Variants in LYN observed in about 807,000 individuals in gnomAD.
LYN encodes tyrosine-protein kinase Lyn.
LYN carries 12 observed loss-of-function variants against 65.0 expected under a neutral mutation model. That is an observed-to-expected ratio of 0.18 (90% CI 0.12 to 0.30). The LOEUF (loss-of-function observed/expected upper bound fraction) is 0.30, where lower values mean the gene tolerates loss of function less well. Among genes scored for constraint, LYN ranks in the 10% least tolerant of loss-of-function variants. LYN has a pLI of 1.00. For missense variants in LYN, 380 were observed against 623.2 expected, an observed-to-expected ratio of 0.61 and a Z score of 4.16; for synonymous variants, 222 against 221.2, an observed-to-expected ratio of 1.00 and a Z score of -0.03.
chr8:55,969,733 C>T lies in LYN; in HGVS notation c.990C>T (p.Phe330=), dbSNP rs747449703. The change falls in exon 10 of 13, where the codon TTC becomes TTT. Residue 330 remains phenylalanine, a synonymous_variant. Transcript: ENST00000519728. ...TCTCCATAGGCAGTTTGCTGGATTT[C>T]CTGAAGAGCGATGAAGGTGGCAAAG... is the stretch of plus-strand genomic sequence containing the variant. ...EYMAKGSLLD[F]LKSDEGGKVL... 2.7e-5 allele frequency: 44 copies of T among 1,613,876 alleles called. No homozygotes were observed. The highest frequency in any genetic ancestry group is 3.3e-5 in the Non-Finnish European group (39 of 1,179,892).
chr8:55,949,397 T>C (rs894064161), intron 4 of LYN, among the ~76,000 whole-genome samples: 1 of 152,268 alleles, frequency 6.6e-6, no homozygotes, highest in Non-Finnish European at 1.5e-5. Context: ...CCTTTGCTTC[T>C]GTCTCTAAAC....
At chr8:55,980,055 A>G (rs1807875806) in intron 10 of LYN, among the ~76,000 whole-genome samples, 1 of 152,194 alleles carries the variant, frequency 6.6e-6, no homozygotes, top group South Asian at 2.1e-4. Context: ...GGCAGGCCAC[A>G]GTCCCCGGGA....
At chr8:55,927,860 AGCT>A (rs1198965684) in intron 1 of LYN, among the ~76,000 whole-genome samples, 1 of 152,080 alleles carries the variant, frequency 6.6e-6, no homozygotes, top group Non-Finnish European at 1.5e-5. Context: ...AAAGAAAGAA[AGCT>A]GCTATAAACA....
At chr8:55,905,861 C>T (rs1385073403) in intron 1 of LYN, among the ~76,000 whole-genome samples, 1 of 152,118 alleles carries the variant, frequency 6.6e-6, no homozygotes, top group South Asian at 2.1e-4. Context: ...TGCAAAGAGC[C>T]CGCTCCTCTG....
chr8:55,979,437 T>G (rs1329636490), intron 10 of LYN, among the ~76,000 whole-genome samples: 1 of 152,178 alleles, frequency 6.6e-6, no homozygotes, highest in African/African-American at 2.4e-5. Flanking sequence ...TTTAAAAATA[T>G]ATGGTTTTGT....
At chr8:56,008,357 C>G (rs1012940234) in intron 12 of LYN, among the ~76,000 whole-genome samples, 1 of 152,100 alleles carries the variant, frequency 6.6e-6, no homozygotes, top group Non-Finnish European at 1.5e-5. Context: ...TAATCTACAG[C>G]TTTGAAAAAG....
chr8:56,000,369 G>C (rs552415201), intron 12 of LYN, among the ~76,000 whole-genome samples: 87 of 152,176 alleles, frequency 5.7e-4, no homozygotes, highest in African/African-American at 2.0e-3. Context: ...CCTAACACCT[G>C]AAGCCTGCAG....
chr8:55,892,956 T>A (rs945105765), intron 1 of LYN, among the ~76,000 whole-genome samples: 3 of 152,208 alleles, frequency 2.0e-5, no homozygotes, highest in Admixed American at 2.0e-4. Flanking sequence ...CTGAAAGGCA[T>A]CTGCCATTCT....
At chr8:55,894,754 C>T (rs1462534212) in intron 1 of LYN, among the ~76,000 whole-genome samples, 3 of 152,078 alleles carry the variant, frequency 2.0e-5, no homozygotes, top group Non-Finnish European at 2.9e-5. Context: ...AGGCTGGTCT[C>T]AAACTCCTGA....
At chr8:55,945,624 G>A (rs1387646098) in intron 2 of LYN, among the ~76,000 whole-genome samples, 1 of 152,162 alleles carries the variant, frequency 6.6e-6, no homozygotes, top group Non-Finnish European at 1.5e-5. Flanking sequence ...TCTTACAAGA[G>A]GCCCAGAGGC....
chr8:55,912,542 G>A (rs1828527), intron 1 of LYN, among the ~76,000 whole-genome samples: 136,781 of 152,182 alleles, frequency 0.9, 61,562 homozygotes, highest in East Asian at 0.98. Context: ...CCTGGCCAAC[G>A]TGGCGAAACC....
chr8:55,935,414 CA>C (rs1320433395), intron 1 of LYN, among the ~76,000 whole-genome samples: 2 of 151,984 alleles, frequency 1.3e-5, no homozygotes, highest in Non-Finnish European at 2.9e-5. Flanking sequence ...GTATGTAAGG[CA>C]AAAAATCTTA....
At chr8:56,007,498 A>T (rs1334872344) in intron 12 of LYN, among the ~76,000 whole-genome samples, 3 of 152,250 alleles carry the variant, frequency 2.0e-5, no homozygotes, top group Non-Finnish European at 4.4e-5. Flanking sequence ...AGGAAAATGG[A>T]TTTGCTGTAT....
intron 10 of LYN, among the ~76,000 whole-genome samples, chr8:55,976,565 G>C (rs1807759716): frequency 6.6e-6 from 1 of 152,178 alleles, no homozygotes; most frequent in Non-Finnish European, 1.5e-5. Context: ...CATGGAGTGG[G>C]GGACAGGTGA....
chr8:55,978,286 G>C (rs1454242797), intron 10 of LYN, among the ~76,000 whole-genome samples: 1 of 152,222 alleles, frequency 6.6e-6, no homozygotes, highest in Non-Finnish European at 1.5e-5. Context: ...AGGGGTGAAA[G>C]CTAGAGTCCA....
chr8:55,990,288 GA>G (rs1482946255), intron 10 of LYN, among the ~76,000 whole-genome samples: 1 of 151,166 alleles, frequency 6.6e-6, no homozygotes, highest in Non-Finnish European at 1.5e-5. Context: ...TTGGTTGAAG[GA>G]GTTAAGCTTT....
At position 55,919,011 on chromosome 8, in the gene LYN, C is replaced by A. The variant is rs148304843; in HGVS notation, c.-5-22844C>A. Among the ~76,000 whole-genome samples, 717 of 139,672 alleles carry A rather than the reference C, an allele frequency of 5.1e-3. 3 individuals are homozygous for A. The highest frequency in any genetic ancestry group is 0.014 in the African/African-American group (530 of 36,808). 91.6% of individuals were successfully genotyped at this position (139,672 alleles called of 152,430 possible). ...CTCAGTTGTTCGAGACCATGGGAGA[C>A]CCTGTCTCTACAAAAAAAAAAAAAA... On this transcript the variant is annotated intron_variant, in intron 1 of 12. Transcript: ENST00000519728.
rs115268144 is a variant in LYN, at chr8:55,928,447, A to G, written c.-5-13408A>G. 4.4e-3 allele frequency among the ~76,000 whole-genome samples: 670 copies of G among 152,222 alleles called. 4 individuals carry two copies. The highest frequency in any genetic ancestry group is 0.015 in the African/African-American group (619 of 41,546). On this transcript the variant is annotated intron_variant, in intron 1 of 12. Transcript: ENST00000519728. Reference sequence around the variant, plus strand: ...AGTCATGAGCCACCACGCAGGGCCCATTGTTGCTTTAATTTGCAATTCCCA... The same window carrying G: ...AGTCATGAGCCACCACGCAGGGCCCGTTGTTGCTTTAATTTGCAATTCCCA...
chr8:55,982,170 C>T (rs1256666986), intron 10 of LYN, among the ~76,000 whole-genome samples: 1 of 152,178 alleles, frequency 6.6e-6, no homozygotes, highest in Non-Finnish European at 1.5e-5. Flanking sequence ...CCCCCAGTGT[C>T]TGTAACATCA....
Sources: allele counts gnomAD v4.1 joint callset (sites outside exome capture counted in the v4.1 genomes callset), GRCh38; gene constraint gnomAD v4.1.1; transcripts MANE v1.5; gene names NCBI Gene and HGNC (gene_info 2026-07-23, HGNC 2026-07-21).